The following UNC13B variants were observed in gnomAD, a reference collection of about 807,000 sequenced individuals.
UNC13B encodes protein unc-13 homolog B.
In UNC13B, 144 loss-of-function variants were observed where a neutral mutation model predicts 211.0. That is an observed-to-expected ratio of 0.68 (90% CI 0.60 to 0.78). The LOEUF (loss-of-function observed/expected upper bound fraction) is 0.78. UNC13B is among the 30% of genes least tolerant of loss of function. The pLI, the probability that UNC13B is intolerant of heterozygous loss-of-function variation, is 0.00. For synonymous variants in UNC13B, 709 were observed against 725.8 expected, an observed-to-expected ratio of 0.98 and a Z score of 0.37; for missense variants, 1,777 against 2,002.0, an observed-to-expected ratio of 0.89 and a Z score of 2.14.
At chr9:35,358,082 A>T (rs570121278) in intron 11 of UNC13B, among the ~76,000 whole-genome samples, 7 of 152,372 alleles carry the variant, frequency 4.6e-5, no homozygotes, top group African/African-American at 1.7e-4. Context: ...CACTTAGCGT[A>T]ATGTCCTCAA....
chr9:35,231,221 T>C lies in UNC13B; in HGVS notation c.152+2T>C, dbSNP rs761721719. 2 of 1,605,258 alleles carry C rather than the reference T, an allele frequency of 1.2e-6. No homozygotes were observed. The highest frequency in any genetic ancestry group is 2.2e-5 in the South Asian group (2 of 90,808). ...TTCCTGGGAACAGGATTTCATGTTG[T>C]AAGTATTTTGCAGCAGCAGTGTGCC... On this transcript the variant is annotated splice_donor_variant, in intron 3 of 39. Transcript: ENST00000635942. LOFTEE classifies it high-confidence loss of function.
intron 7 of UNC13B, among the ~76,000 whole-genome samples, chr9:35,282,270 C>T (rs1828539932): frequency 6.6e-6 from 1 of 152,192 alleles, no homozygotes; most frequent in East Asian, 1.9e-4. Flanking sequence ...TCACAACCCC[C>T]TCTTCCCTAA....
Position 35,300,656 on chromosome 9 carries a change from T to G in UNC13B, c.1252T>G (p.Ser418Ala), listed in dbSNP as rs1041046724. 1 of 398,842 alleles carries G rather than the reference T, an allele frequency of 2.5e-6. No homozygotes were observed. The highest frequency in any genetic ancestry group is 2.1e-5 in the African/African-American group (1 of 48,642). 24.7% of individuals were successfully genotyped at this position (398,842 alleles called of 1,614,324 possible). The change falls in exon 9 of 40, where the codon TCA (serine) becomes GCA (alanine). Residue 418 changes from serine (S) to alanine (A), a missense_variant. Ser to Ala is a moderately conservative substitution (Grantham distance 99). Coordinates refer to ENST00000635942, the MANE Select transcript of UNC13B (RefSeq NM_001371189.2). ...TCCTGAGGAATATTATGTAGCAAAT[T>G]CAGCATTGCCATTACAAAGGATGAA... ...DFPEEYYVANSALPLQRMNCD... is the reference protein window; with the variant it reads ...DFPEEYYVANAALPLQRMNCD...
intron 7 of UNC13B, among the ~76,000 whole-genome samples, chr9:35,288,984 G>A (rs1414040943): frequency 7.3e-6 from 1 of 136,114 alleles, no homozygotes; most frequent in Non-Finnish European, 1.6e-5. Flanking sequence ...CAGTTGCTAT[G>A]GCAACTGTTC....
At chr9:35,225,745 C>A (rs948261873) in intron 1 of UNC13B, among the ~76,000 whole-genome samples, 3 of 152,048 alleles carry the variant, frequency 2.0e-5, no homozygotes, top group African/African-American at 7.2e-5. Context: ...GCCAGATGGG[C>A]TGGTCCTCTG....
At position 35,399,427 on chromosome 9, in the gene UNC13B, G is replaced by C. The variant is rs764538889; in HGVS notation, c.12234G>C (p.Leu4078=). 1.9e-6 allele frequency: 3 copies of C among 1,614,132 alleles called. No homozygotes were observed. The South Asian group carries it at 3.3e-5, about 18-fold the overall frequency. ...TGATCTTCACTGCTGCCAAGGAGCT[G>C]AGCCATCTTTCCAAACTCAAGGTAC... ...TQLIFTAAKE[L]SHLSKLKDHM... The change falls in exon 35 of 40, where the codon CTG becomes CTC. Residue 4078 remains leucine, a synonymous_variant. Coordinates refer to ENST00000635942, the MANE Select transcript of UNC13B (RefSeq NM_001371189.2).
At chr9:35,333,048 G>A (rs994365988) in intron 11 of UNC13B, among the ~76,000 whole-genome samples, 1 of 152,014 alleles carries the variant, frequency 6.6e-6, no homozygotes, top group African/African-American at 2.4e-5. Context: ...TGGTTATATT[G>A]TTTTCTTGAT....
chr9:35,286,041 T>C (rs1056970642), intron 7 of UNC13B, among the ~76,000 whole-genome samples: 3 of 152,050 alleles, frequency 2.0e-5, no homozygotes, highest in Non-Finnish European at 4.4e-5. Flanking sequence ...GGGGCTGTGA[T>C]ACTGTGATTT....
chr9:35,339,629 A>G (rs1191064155), intron 11 of UNC13B, among the ~76,000 whole-genome samples: 1 of 152,270 alleles, frequency 6.6e-6, no homozygotes, highest in Non-Finnish European at 1.5e-5. Flanking sequence ...ATTTGTGGTC[A>G]AAGCTGCATG....
chr9:35,254,692 A>G (rs1297836788), intron 6 of UNC13B, among the ~76,000 whole-genome samples: 1 of 151,432 alleles, frequency 6.6e-6, no homozygotes, highest in Non-Finnish European at 1.5e-5. Flanking sequence ...TATTATAAGT[A>G]AATGCTTTGC....
chr9:35,330,709 C>G (rs977226152), intron 11 of UNC13B, among the ~76,000 whole-genome samples: 1 of 152,158 alleles, frequency 6.6e-6, no homozygotes, highest in Admixed American at 6.5e-5. Context: ...ACATTTATGG[C>G]CTGGATCTGG....
intron 1 of UNC13B, among the ~76,000 whole-genome samples, chr9:35,174,324 AT>A (rs60213475): frequency 0.034 from 4,826 of 141,714 alleles, 99 homozygotes; most frequent in Middle Eastern, 0.059. Context: ...CACCCAGCTA[AT>A]TTTTTTTTTT....
At chr9:35,199,863 T>A (rs1823177119) in intron 1 of UNC13B, among the ~76,000 whole-genome samples, 1 of 152,162 alleles carries the variant, frequency 6.6e-6, no homozygotes, top group Non-Finnish European at 1.5e-5. Context: ...CATTTGTCAA[T>A]TTTGGCTTTT....
rs372516312 is a variant in UNC13B, at chr9:35,198,908, C to T, written c.23-29107C>T. Among the ~76,000 whole-genome samples, 127 of 152,228 alleles carry T rather than the reference C, an allele frequency of 8.3e-4. 2 individuals carry two copies. The South Asian group carries it at 0.019, about 23-fold the overall frequency. On this transcript the variant is annotated intron_variant, in intron 1 of 39. Coordinates refer to ENST00000635942, the MANE Select transcript of UNC13B (RefSeq NM_001371189.2). ...TAAGTTCTAGGGTACATGTGCACAA[C>T]GTGCAGGTTTGTTACATATGTATAC...
At chr9:35,212,579 AT>A (rs1474975876) in intron 1 of UNC13B, among the ~76,000 whole-genome samples, 3 of 152,218 alleles carry the variant, frequency 2.0e-5, no homozygotes, top group Non-Finnish European at 4.4e-5. Flanking sequence ...TCTCAAAAAA[AT>A]AAAATATTTA....
intron 26 of UNC13B, among the ~76,000 whole-genome samples, chr9:35,394,190 T>C (rs774367167): frequency 4.3e-4 from 65 of 152,196 alleles, no homozygotes; most frequent in Middle Eastern, 3.2e-3. Context: ...ATGCTCAGCA[T>C]TGAACAAGAG....
In UNC13B at chr9:35,302,745, T is replaced by C. The variant is rs1829747054; in HGVS notation, c.3341T>C (p.Leu1114Ser). 2.5e-6 allele frequency: 1 copy of C among 398,634 alleles called. No homozygotes were observed. Among genetic ancestry groups the C allele is most frequent in the African/African-American group, 2.1e-5 (1 of 48,744 alleles). 24.7% of individuals were successfully genotyped at this position (398,634 alleles called of 1,614,324 possible). The change falls in exon 9 of 40, where the codon TTA becomes TCA. Residue 1114 changes from leucine (L) to serine (S), a missense_variant. Physicochemically the swap from Leu to Ser is moderately radical, Grantham distance 145 (BLOSUM62 -2). Coordinates refer to ENST00000635942, the MANE Select transcript of UNC13B (RefSeq NM_001371189.2). ...AASSVASDSSLECISTTSKST... is the reference protein window; with the variant it reads ...AASSVASDSSSECISTTSKST... ...TCTTCAGTAGCATCAGACTCTTCAT[T>C]AGAGTGTATTTCTACCACTTCCAAA...
Position 35,404,164 on chromosome 9 carries a change from A to G in UNC13B, c.*131A>G. Reference sequence around the variant, plus strand: ...CCCCTTCAGTTAAAGATATTTAAGGAAAAATTTGGGGTGGTGATAATATGG... The same window carrying G: ...CCCCTTCAGTTAAAGATATTTAAGGGAAAATTTGGGGTGGTGATAATATGG... On this transcript the variant is annotated 3_prime_UTR_variant, in exon 40 of 40. Coordinates refer to ENST00000635942, the MANE Select transcript of UNC13B (RefSeq NM_001371189.2). 1 of 1,293,492 alleles carries G rather than the reference A, an allele frequency of 7.7e-7. No individual in the cohort carries two copies. The highest frequency in any genetic ancestry group is 1.0e-6 in the Non-Finnish European group (1 of 967,874). The allele number at this position is 1,293,492 out of a possible 1,614,324, so 80.1% of individuals were successfully genotyped here.
chr9:35,222,845 C>T (rs1418267553), intron 1 of UNC13B, among the ~76,000 whole-genome samples: 1 of 152,208 alleles, frequency 6.6e-6, no homozygotes, highest in East Asian at 1.9e-4. Context: ...AGCCTCTCTT[C>T]ACCACCCTTC....
Sources: allele counts gnomAD v4.1 joint callset (sites outside exome capture counted in the v4.1 genomes callset), GRCh38; gene constraint gnomAD v4.1.1; transcripts MANE v1.5; gene names NCBI Gene and HGNC (gene_info 2026-07-23, HGNC 2026-07-21).